EMC2: variants seen among roughly 807,000 people sequenced by gnomAD.
EMC2 encodes TPR repeat protein 35.
EMC2 carries 37 observed loss-of-function variants against 51.6 expected under a neutral mutation model. That is an observed-to-expected ratio of 0.72 (90% CI 0.55 to 0.94). EMC2 has a LOEUF of 0.94. EMC2 is among the 40% of genes least tolerant of loss of function. EMC2 has a pLI of 0.00. For missense variants in EMC2, 359 were observed against 350.9 expected (o/e 1.02, Z -0.18); for synonymous variants, 131 against 112.4 (o/e 1.17, Z -1.04).
At chr8:108,447,086 C>T (rs1818894336) in intron 1 of EMC2, among the ~76,000 whole-genome samples, 1 of 152,072 alleles carries the variant, frequency 6.6e-6, no homozygotes, top group Non-Finnish European at 1.5e-5. Flanking sequence ...AACTCATACT[C>T]AATTAAGTAT....
Position 108,455,882 on chromosome 8 carries a change from T to A in EMC2, c.315T>A (p.Asp105Glu), listed in dbSNP as rs757454276. The change falls in exon 5 of 11, where the codon GAT (aspartate) becomes GAA (glutamate). Residue 105 changes from aspartate (D) to glutamate (E), a missense_variant. By Grantham distance (45) the Asp-to-Glu change is conservative. Coordinates refer to ENST00000220853, the MANE Select transcript of EMC2 (RefSeq NM_014673.5). Reference protein sequence around the residue: ...MRFEAMERYDDAIQLYDRILQ... With the variant: ...MRFEAMERYDEAIQLYDRILQ... Reference sequence around the variant, plus strand: ...TTTTCTTTTTAAATAGATATGATGATGCTATACAGCTATATGATAGGATTT... The same window carrying A: ...TTTTCTTTTTAAATAGATATGATGAAGCTATACAGCTATATGATAGGATTT... 3 of 1,244,016 alleles carry A rather than the reference T, an allele frequency of 2.4e-6. No individual in the cohort carries two copies. The highest frequency in any genetic ancestry group is 3.4e-6 in the Non-Finnish European group (3 of 884,276). The allele number at this position is 1,244,016 out of a possible 1,614,324, so 77.1% of individuals were successfully genotyped here. A position where few individuals can be genotyped will look rare whatever the true frequency, so the allele number is the denominator to read the frequency against.
Position 108,453,115 on chromosome 8 carries a change from A to T in EMC2, c.273A>T (p.Arg91=), listed in dbSNP as rs747240386. ...RQFPGSHRVK[R]LTGMRFEAME... is the part of the protein sequence containing the mutation. ...TCCCTGGCAGTCACAGAGTCAAGCG[A>T]TTAACAGGCATGAGATTTGAAGCCA... The change falls in exon 4 of 11, where the codon CGA becomes CGT. Residue 91 remains arginine, a synonymous_variant. Coordinates refer to ENST00000220853, the MANE Select transcript of EMC2 (RefSeq NM_014673.5). The T allele has an allele frequency of 3.1e-6, 5 of 1,608,982 alleles. No homozygotes were observed. The South Asian group carries it at 5.5e-5, about 18-fold the overall frequency.
At chr8:108,452,800 T>TA (rs1819059718) in intron 3 of EMC2, among the ~76,000 whole-genome samples, 1 of 152,294 alleles carries the variant, frequency 6.6e-6, no homozygotes, top group South Asian at 2.1e-4. Flanking sequence ...TATTAGTACT[T>TA]AAAGAGTTAT....
chr8:108,466,257 A>G (rs1364825574), intron 5 of EMC2, among the ~76,000 whole-genome samples: 2 of 152,160 alleles, frequency 1.3e-5, no homozygotes, highest in Non-Finnish European at 2.9e-5. Context: ...GAGAGTAGGT[A>G]GTTAATACAC....
At chr8:108,463,890 A>G (rs1819397273) in intron 5 of EMC2, among the ~76,000 whole-genome samples, 2 of 152,166 alleles carry the variant, frequency 1.3e-5, no homozygotes, top group African/African-American at 2.4e-5. Context: ...TCACACAGGA[A>G]TGTGTTTGGA....
At position 108,470,059 on chromosome 8, in the gene EMC2, C is replaced by A. The variant is rs1300829526; in HGVS notation, c.450-3C>A. 6 of 1,611,942 alleles carry A rather than the reference C, an allele frequency of 3.7e-6. No individual in the cohort carries two copies. Among genetic ancestry groups the A allele is most frequent in the Non-Finnish European group, 5.1e-6 (6 of 1,178,740 alleles). Reference sequence around the variant, plus strand: ...TTACTTTTTTTTCTTTTCCTCTCACCAGATTTGTTGGAGACCAAGAAGCCT... The same window carrying A: ...TTACTTTTTTTTCTTTTCCTCTCACAAGATTTGTTGGAGACCAAGAAGCCT... On this transcript the variant is annotated splice_polypyrimidine_tract_variant and splice_region_variant and intron_variant, in intron 6 of 10. Coordinates refer to ENST00000220853, the MANE Select transcript of EMC2 (RefSeq NM_014673.5).
At chr8:108,450,590 T>A in intron 3 of EMC2, 98 bp downstream of exon 3, 1 of 783,674 alleles carries the variant, frequency 1.3e-6, no homozygotes, top group Non-Finnish European at 2.3e-6. Flanking sequence ...TTTCAATAGC[T>A]AGTTTTGAGT....
At chr8:108,472,561 T>A (rs1810875511) in intron 7 of EMC2, among the ~76,000 whole-genome samples, 1 of 151,636 alleles carries the variant, frequency 6.6e-6, no homozygotes, top group Non-Finnish European at 1.5e-5. Flanking sequence ...ATTGAACACT[T>A]AGAAGGAATA....
chr8:108,448,485 C>A (rs1219965652), intron 1 of EMC2, among the ~76,000 whole-genome samples: 1 of 152,142 alleles, frequency 6.6e-6, no homozygotes, highest in Non-Finnish European at 1.5e-5. Context: ...CCATGCTGTT[C>A]TCATTATAGT....
chr8:108,484,185 G>A (rs1811094865), intron 10 of EMC2, among the ~76,000 whole-genome samples: 1 of 152,044 alleles, frequency 6.6e-6, no homozygotes, highest in Non-Finnish European at 1.5e-5. Context: ...GTAAATCTGT[G>A]CTAGTGATTT....
chr8:108,469,611 G>A (rs920119726), intron 5 of EMC2, among the ~76,000 whole-genome samples: 2 of 152,118 alleles, frequency 1.3e-5, no homozygotes. Flanking sequence ...TGCATACATT[G>A]TGTGCATCAA....
intron 10 of EMC2, among the ~76,000 whole-genome samples, chr8:108,479,904 A>G (rs963249197): frequency 1.1e-4 from 16 of 152,120 alleles, no homozygotes; most frequent in Admixed American, 1.0e-3. Context: ...CAGCTATTTC[A>G]TTCTGTTTCA....
chr8:108,460,951 T>C (rs1420103928), intron 5 of EMC2, among the ~76,000 whole-genome samples: 1 of 152,058 alleles, frequency 6.6e-6, no homozygotes, highest in Admixed American at 6.6e-5. Context: ...TTAGTAAGAG[T>C]AGAGATACTG....
chr8:108,457,811 A>G (rs1315430205), intron 5 of EMC2, among the ~76,000 whole-genome samples: 4 of 152,160 alleles, frequency 2.6e-5, no homozygotes, highest in African/African-American at 9.7e-5. Flanking sequence ...TCATGTCCTC[A>G]CATTTCAAAA....
chr8:108,469,958 T>TTTAA, intron 6 of EMC2, 47 bp downstream of exon 6: 1 of 1,556,504 alleles, frequency 6.4e-7, no homozygotes, highest in Non-Finnish European at 8.9e-7. Context: ...TGATAAATCT[T>TTTAA]TTTTAATTAA....
chr8:108,481,790 T>C (rs935270939), intron 10 of EMC2, among the ~76,000 whole-genome samples: 3 of 152,190 alleles, frequency 2.0e-5, no homozygotes, highest in Non-Finnish European at 4.4e-5. Context: ...CTATAGTTTA[T>C]GGAATCAGCC....
At chr8:108,481,591 AAATT>A (rs1414415411) in intron 10 of EMC2, among the ~76,000 whole-genome samples, 1 of 152,208 alleles carries the variant, frequency 6.6e-6, no homozygotes, top group Non-Finnish European at 1.5e-5. Context: ...AATTTTTACT[AAATT>A]AATAACATAG....
At chr8:108,458,488 T>C (rs1226842854) in intron 5 of EMC2, among the ~76,000 whole-genome samples, 2 of 152,186 alleles carry the variant, frequency 1.3e-5, no homozygotes, top group Admixed American at 6.5e-5. Flanking sequence ...AGACAGGGGT[T>C]CCTAAACCTC....
At position 108,449,805 on chromosome 8, in the gene EMC2, T is replaced by G; in HGVS notation, c.41-18T>G. ...GTCTGGGTACATATACACTTAAATGTCATGTTATTTTTTTCAGAAATGAGA... is the reference window on the plus strand; with the variant it reads ...GTCTGGGTACATATACACTTAAATGGCATGTTATTTTTTTCAGAAATGAGA... On this transcript the variant is annotated intron_variant, in intron 1 of 10. Coordinates refer to ENST00000220853, the MANE Select transcript of EMC2 (RefSeq NM_014673.5). 1 of 1,163,612 alleles carries G rather than the reference T, an allele frequency of 8.6e-7. No homozygotes were observed. The highest frequency in any genetic ancestry group is 1.3e-6 in the Non-Finnish European group (1 of 775,594). The allele number at this position is 1,163,612 out of a possible 1,614,324, so 72.1% of individuals were successfully genotyped here.
Sources: allele counts gnomAD v4.1 joint callset (sites outside exome capture counted in the v4.1 genomes callset), GRCh38; gene constraint gnomAD v4.1.1; transcripts MANE v1.5; gene names NCBI Gene and HGNC (gene_info 2026-07-23, HGNC 2026-07-21).